SEMA6D: variants seen among roughly 807,000 people sequenced by gnomAD.
SEMA6D encodes the protein semaphorin-6D.
In SEMA6D, 35 loss-of-function variants were observed where a neutral mutation model predicts 106.6. That is an observed-to-expected ratio of 0.33 (90% CI 0.25 to 0.44). The LOEUF (loss-of-function observed/expected upper bound fraction) is 0.44, where lower values mean the gene tolerates loss of function less well. Among genes scored for constraint, SEMA6D ranks in the 20% least tolerant of loss-of-function variants. The pLI is 1.00. For missense variants in SEMA6D, 1,185 were observed against 1,345.9 expected, an observed-to-expected ratio of 0.88 and a Z score of 1.87; for synonymous variants, 499 against 487.7, an observed-to-expected ratio of 1.02 and a Z score of -0.31.
chr15:47,321,155 T>C (rs1303844394), intron 1 of SEMA6D, among the ~76,000 whole-genome samples: 1 of 152,176 alleles, frequency 6.6e-6, no homozygotes, highest in Non-Finnish European at 1.5e-5. Flanking sequence ...ACATCCCTGG[T>C]TTCATCCACT....
chr15:47,644,256 T>C (rs1353086394), intron 4 of SEMA6D, among the ~76,000 whole-genome samples: 1 of 152,142 alleles, frequency 6.6e-6, no homozygotes, highest in Admixed American at 6.5e-5. Context: ...CAATGCACAG[T>C]TGAAAAATGA....
chr15:47,329,992 G>T (rs900391348), intron 1 of SEMA6D, among the ~76,000 whole-genome samples: 3 of 152,118 alleles, frequency 2.0e-5, no homozygotes, highest in Non-Finnish European at 2.9e-5. Context: ...GTGCTAAACT[G>T]CTCATGCTGT....
intron 4 of SEMA6D, among the ~76,000 whole-genome samples, chr15:47,711,331 A>T (rs1287872905): frequency 2.2e-5 from 3 of 138,884 alleles, no homozygotes; most frequent in Non-Finnish European, 4.7e-5. Flanking sequence ...AAAAAAAAAA[A>T]TGTATAGGCG....
intron 1 of SEMA6D, among the ~76,000 whole-genome samples, chr15:47,310,223 G>A (rs1222910728): frequency 2.0e-5 from 3 of 152,162 alleles, no homozygotes; most frequent in African/African-American, 7.2e-5. Flanking sequence ...AACACTTAGC[G>A]ATGAAAGGGC....
At chr15:47,246,539 C>T (rs930136219) in intron 1 of SEMA6D, among the ~76,000 whole-genome samples, 9 of 152,174 alleles carry the variant, frequency 5.9e-5, no homozygotes, top group African/African-American at 2.2e-4. Flanking sequence ...CCTTGCTTTT[C>T]CAGCTTCCGG....
chr15:47,740,217 G>A (rs2080720448), intron 1 of SEMA6D, among the ~76,000 whole-genome samples: 1 of 152,106 alleles, frequency 6.6e-6, no homozygotes, highest in Non-Finnish European at 1.5e-5. Context: ...GTTGATAGTT[G>A]AAAATAGAAA....
intron 3 of SEMA6D, among the ~76,000 whole-genome samples, chr15:47,536,538 A>G (rs1008344843): frequency 1.3e-5 from 2 of 152,204 alleles, no homozygotes; most frequent in Non-Finnish European, 2.9e-5. Flanking sequence ...AGAAGGGTCT[A>G]GGTGTTCATC....
At chr15:47,691,541 T>C (rs764040606) in intron 4 of SEMA6D, among the ~76,000 whole-genome samples, 5 of 152,200 alleles carry the variant, frequency 3.3e-5, no homozygotes, top group Non-Finnish European at 5.9e-5. Flanking sequence ...ACCTTCTCTT[T>C]AACAAAATAG....
intron 1 of SEMA6D, among the ~76,000 whole-genome samples, chr15:47,724,859 G>A (rs1041894068): frequency 1.5e-4 from 23 of 152,242 alleles, no homozygotes; most frequent in African/African-American, 4.3e-4. Context: ...AGATTGCTCC[G>A]TGATCAGGAC....
chr15:47,553,828 A>G (rs2045837741), intron 3 of SEMA6D, among the ~76,000 whole-genome samples: 1 of 152,190 alleles, frequency 6.6e-6, no homozygotes, highest in Non-Finnish European at 1.5e-5. Flanking sequence ...AGTGGGTCCC[A>G]TTTAAAGATT....
At chr15:47,606,359 G>A (rs1056622520) in intron 4 of SEMA6D, 1 of 152,178 alleles carries the variant, frequency 6.6e-6, no homozygotes, top group African/African-American at 2.4e-5. Flanking sequence ...GTCCAGGCCT[G>A]GAGATAGTTC....
intron 1 of SEMA6D, among the ~76,000 whole-genome samples, chr15:47,233,958 T>C (rs1381692902): frequency 6.6e-6 from 1 of 152,004 alleles, no homozygotes; most frequent in Non-Finnish European, 1.5e-5. Flanking sequence ...CAATGTTGAA[T>C]ACACATGGTG....
chr15:47,669,620 C>T (rs952379867), intron 4 of SEMA6D, among the ~76,000 whole-genome samples: 2 of 152,192 alleles, frequency 1.3e-5, no homozygotes, highest in Admixed American at 6.5e-5. Flanking sequence ...TTCCATTTCA[C>T]TTTCAAAAGA....
intron 1 of SEMA6D, among the ~76,000 whole-genome samples, chr15:47,397,105 A>G (rs1434656515): frequency 3.3e-5 from 5 of 152,188 alleles, no homozygotes; most frequent in African/African-American, 2.4e-5. Flanking sequence ...GGCTTGAACC[A>G]TAGTAGAGGT....
intron 2 of SEMA6D, among the ~76,000 whole-genome samples, chr15:47,461,386 G>A (rs963461093): frequency 2.6e-5 from 4 of 151,812 alleles, no homozygotes; most frequent in African/African-American, 9.7e-5. Context: ...CACAGACCTT[G>A]TGCTTTCTCC....
intron 2 of SEMA6D, among the ~76,000 whole-genome samples, chr15:47,430,798 C>T (rs2041498803): frequency 6.6e-6 from 1 of 152,116 alleles, no homozygotes; most frequent in African/African-American, 2.4e-5. Flanking sequence ...CACCCCTCCT[C>T]ACTCTTTACC....
At chr15:47,411,410 A>G (rs967823599) in intron 1 of SEMA6D, among the ~76,000 whole-genome samples, 1 of 152,134 alleles carries the variant, frequency 6.6e-6, no homozygotes, top group African/African-American at 2.4e-5. Context: ...CATGCCTGCC[A>G]TTGAAGAACT....
At chr15:47,756,647 C>A (rs1235920391) in intron 1 of SEMA6D, among the ~76,000 whole-genome samples, 1 of 152,150 alleles carries the variant, frequency 6.6e-6, no homozygotes, top group Admixed American at 6.5e-5. Flanking sequence ...TCCAACATTT[C>A]ATCCTGCTAC....
At chr15:47,587,614 A>G (rs993381352) in intron 3 of SEMA6D, among the ~76,000 whole-genome samples, 8 of 152,098 alleles carry the variant, frequency 5.3e-5, no homozygotes, top group African/African-American at 1.9e-4. Context: ...GCTAGTCAAT[A>G]TCTTAGGCTT....
Sources: gnomAD v4.1 joint callset for allele counts (sites outside exome capture counted in the v4.1 genomes callset) on GRCh38, gnomAD v4.1.1 for gene constraint, MANE v1.5 for transcripts, NCBI Gene and HGNC (gene_info 2026-07-23, HGNC 2026-07-21) for gene names.